Variants in ATP6V0D2 observed in about 807,000 individuals in gnomAD.
ATP6V0D2 encodes V-type proton ATPase subunit d 2.
ATP6V0D2 carries 40 observed loss-of-function variants against 40.0 expected under a neutral mutation model. The ratio of observed to expected loss-of-function variants is 1.00; its 90% confidence interval spans 0.78 to 1.30. The LOEUF (loss-of-function observed/expected upper bound fraction) is 1.30, where lower values mean the gene tolerates loss of function less well. ATP6V0D2 is among the 50% of genes most tolerant of loss of function. ATP6V0D2 has a pLI of 0.00. For synonymous variants in ATP6V0D2, 179 were observed against 156.3 expected, an observed-to-expected ratio of 1.15 and a Z score of -1.08; for missense variants, 470 against 423.1, an observed-to-expected ratio of 1.11 and a Z score of -0.97.
intron 5 of ATP6V0D2, among the ~76,000 whole-genome samples, chr8:86,145,188 A>G (rs1247531118): frequency 2.3e-3 from 30 of 13,192 alleles, no homozygotes; most frequent in African/African-American, 8.5e-3. Context: ...GAGAGAAAGA[A>G]AGAAAGAAAA....
intron 2 of ATP6V0D2, among the ~76,000 whole-genome samples, chr8:86,118,053 T>C (rs969579114): frequency 2.0e-5 from 3 of 149,986 alleles, no homozygotes; most frequent in Admixed American, 6.7e-5. Flanking sequence ...TCTTCTTTCT[T>C]TTTCTTTCCT....
chr8:86,151,500 G>T lies in ATP6V0D2; in HGVS notation c.851G>T (p.Ser284Ile), dbSNP rs565942494. ...YKPLFEAVGG[S>I]GGKTLEDVFY... is the part of the protein sequence containing the mutation. The stretch of plus-strand genomic sequence containing the variant: ...CCTTTATTTGAAGCTGTAGGTGGCA[G>T]TGGGGGAAAGACATTGGAGGACGTG... Residue 284 changes from serine (S) to isoleucine (I), a missense_variant, in exon 7 of 8, where the codon AGT becomes ATT. By Grantham distance (142) the Ser-to-Ile change is moderately radical. Transcript: ENST00000285393. 1.6e-4 allele frequency: 263 copies of T among 1,607,398 alleles called. 6 individuals carry two copies. In the South Asian group the frequency reaches 2.9e-3, roughly 18 times the overall value.
intron 7 of ATP6V0D2, among the ~76,000 whole-genome samples, chr8:86,151,806 C>A (rs891777836): frequency 6.9e-6 from 1 of 144,128 alleles, no homozygotes; most frequent in South Asian, 2.2e-4. Flanking sequence ...TTAAAAACTG[C>A]GAGAAGTAAT....
At chr8:86,151,705 C>T (rs1271880803) in intron 7 of ATP6V0D2, among the ~76,000 whole-genome samples, 165 bp downstream of exon 7, 1 of 150,812 alleles carries the variant, frequency 6.6e-6, no homozygotes, top group Non-Finnish European at 1.5e-5. Flanking sequence ...TACACACAGA[C>T]CTAGGAATCT....
chr8:86,151,392 T>A (rs890635335), intron 6 of ATP6V0D2, 74 bp from the exon 7 acceptor site: 1 of 1,050,018 alleles, frequency 9.5e-7, no homozygotes, highest in South Asian at 1.7e-5. Context: ...ATTTCTATAA[T>A]GCTAGGAAAA....
At chr8:86,145,283 A>G (rs62512382) in intron 5 of ATP6V0D2, among the ~76,000 whole-genome samples, 24 of 56,522 alleles carry the variant, frequency 4.2e-4, no homozygotes, top group East Asian at 1.5e-3. Flanking sequence ...GAAAGAAAGA[A>G]AGAAAGAAAG....
At chr8:86,136,987 T>C (rs1397144257) in intron 2 of ATP6V0D2, among the ~76,000 whole-genome samples, 1 of 152,150 alleles carries the variant, frequency 6.6e-6, no homozygotes, top group Non-Finnish European at 1.5e-5. Context: ...TTTACTTCTC[T>C]TCCTCCCACC....
chr8:86,110,028 C>G (rs1375431948), intron 1 of ATP6V0D2, among the ~76,000 whole-genome samples: 1 of 152,202 alleles, frequency 6.6e-6, no homozygotes, highest in Non-Finnish European at 1.5e-5. Context: ...TTCTCTACCA[C>G]TCCTTTAAAA....
chr8:86,113,534 A>G (rs1234905849), intron 1 of ATP6V0D2, among the ~76,000 whole-genome samples, 175 bp from the exon 2 acceptor site: 2 of 152,192 alleles, frequency 1.3e-5, no homozygotes, highest in African/African-American at 4.8e-5. Context: ...ATATTCACAT[A>G]ACATTTTTGT....
chr8:86,133,241 C>T (rs112919041), intron 2 of ATP6V0D2, among the ~76,000 whole-genome samples: 73 of 147,446 alleles, frequency 5.0e-4, no homozygotes, highest in Middle Eastern at 3.5e-3. Context: ...TGGGCACATA[C>T]AAAAATGCCC....
Position 86,142,788 on chromosome 8 carries a change from C to G in ATP6V0D2, c.562-89C>G, listed in dbSNP as rs993072551. 7.8e-6 allele frequency: 6 copies of G among 770,886 alleles called. No homozygotes were observed. In the Admixed American group the frequency reaches 1.4e-4, roughly 18 times the overall value. 47.8% of individuals were successfully genotyped at this position (770,886 alleles called of 1,614,324 possible). A position where few individuals can be genotyped will look rare whatever the true frequency, so the allele number is the denominator to read the frequency against. On this transcript the variant is annotated intron_variant, in intron 4 of 7. Transcript: ENST00000285393. ...AGATGTAATTCAGATTCCATTAAAGCATTTAATAAACCATGAAAAGCTGAT... is the reference window on the plus strand; with the variant it reads ...AGATGTAATTCAGATTCCATTAAAGGATTTAATAAACCATGAAAAGCTGAT...
chr8:86,146,515 G>A (rs1185738960), intron 5 of ATP6V0D2, among the ~76,000 whole-genome samples: 2 of 152,012 alleles, frequency 1.3e-5, no homozygotes, highest in African/African-American at 4.8e-5. Context: ...GGGCAACATA[G>A]CAAAATCCTA....
chr8:86,147,543 C>T (rs1400584983), intron 5 of ATP6V0D2, among the ~76,000 whole-genome samples: 1 of 152,140 alleles, frequency 6.6e-6, no homozygotes, highest in Non-Finnish European at 1.5e-5. Flanking sequence ...TCAAACTCTG[C>T]TTAGGGATGG....
At chr8:86,134,361 A>G (rs1340412498) in intron 2 of ATP6V0D2, among the ~76,000 whole-genome samples, 1 of 152,214 alleles carries the variant, frequency 6.6e-6, no homozygotes, top group African/African-American at 2.4e-5. Context: ...AGTAATCTTG[A>G]AACAATGGGA....
In ATP6V0D2 at chr8:86,114,035, A is replaced by C. The variant is rs529633641; in HGVS notation, c.302+155A>C. On this transcript the variant is annotated intron_variant, in intron 2 of 7. Transcript: ENST00000285393. ...TCACATTTTAGCAACTGATAAGCTC[A>C]TAGAGCCACATTTTTGCATTAGAAA... Among the ~76,000 whole-genome samples, 18 of 152,310 alleles carry C rather than the reference A, an allele frequency of 1.2e-4. No homozygotes were observed. In the East Asian group the frequency reaches 3.5e-3, roughly 29 times the overall value.
intron 1 of ATP6V0D2, among the ~76,000 whole-genome samples, chr8:86,101,838 G>T (rs1343485771): frequency 2.6e-5 from 4 of 152,098 alleles, no homozygotes; most frequent in Non-Finnish European, 5.9e-5. Context: ...TATTGTCATT[G>T]TGTCTCATGA....
intron 5 of ATP6V0D2, among the ~76,000 whole-genome samples, chr8:86,147,911 A>T (rs1361417553): frequency 1.3e-5 from 2 of 152,110 alleles, no homozygotes; most frequent in African/African-American, 4.8e-5. Context: ...TATCAGCCAA[A>T]GCCCTTTCTT....
chr8:86,103,266 T>C, intron 1 of ATP6V0D2, among the ~76,000 whole-genome samples: 1 of 151,320 alleles, frequency 6.6e-6, no homozygotes, highest in Non-Finnish European at 1.5e-5. Context: ...TACAGGCATG[T>C]GCCACCATGC....
In ATP6V0D2 at chr8:86,150,205, G is replaced by T. The variant is rs373122236; in HGVS notation, c.733G>T (p.Gly245Cys). Residue 245 changes from glycine (G) to cysteine (C), a missense_variant, in exon 6 of 8, where the codon GGC becomes TGC. By Grantham distance (159) the Gly-to-Cys change is radical (BLOSUM62 -3). Transcript: ENST00000285393. ...CCGAGAGACCCTCTATCCAACCTTC[G>T]GCAAACTCTATCCTGAGGGGTTGCG... ...EDRETLYPTFGKLYPEGLRLL... is the reference protein window; with the variant it reads ...EDRETLYPTFCKLYPEGLRLL... 8 of 1,612,734 alleles carry T rather than the reference G, an allele frequency of 5.0e-6. No individual in the cohort carries two copies. In the Admixed American group the frequency reaches 8.4e-5, roughly 17 times the overall value.
Sources: gnomAD v4.1 joint callset for allele counts (sites outside exome capture counted in the v4.1 genomes callset) on GRCh38, gnomAD v4.1.1 for gene constraint, MANE v1.5 for transcripts, NCBI Gene and HGNC (gene_info 2026-07-23, HGNC 2026-07-21) for gene names.